LARGE1: variants seen among roughly 807,000 people sequenced by gnomAD.
LARGE1 encodes the protein xylosyl- and glucuronyltransferase LARGE1.
In LARGE1, 43 loss-of-function variants were observed where a neutral mutation model predicts 87.6. That is an observed-to-expected ratio of 0.49 (90% CI 0.38 to 0.63). LARGE1 has a LOEUF of 0.63. Among genes scored for constraint, LARGE1 ranks in the 30% least tolerant of loss-of-function variants. The pLI is 0.00. For synonymous variants in LARGE1, 434 were observed against 394.6 expected (o/e 1.10, Z -1.18); for missense variants, 802 against 1,000.2 (o/e 0.80, Z 2.67).
intron 6 of LARGE1, among the ~76,000 whole-genome samples, chr22:33,558,871 C>T (rs752899373): frequency 6.6e-6 from 1 of 152,232 alleles, no homozygotes; most frequent in Admixed American, 6.5e-5. Context: ...GGAGCAGACA[C>T]ACATTAACGA....
At chr22:33,779,068 GT>G (rs1321733227) in intron 1 of LARGE1, among the ~76,000 whole-genome samples, 1 of 152,154 alleles carries the variant, frequency 6.6e-6, no homozygotes, top group African/African-American at 2.4e-5. Context: ...ACCGTGAATA[GT>G]TTTGCTACAA....
the LARGE1 span, among the ~76,000 whole-genome samples, chr22:33,074,680 C>G: frequency 6.6e-6 from 1 of 151,948 alleles, no homozygotes; most frequent in Non-Finnish European, 1.5e-5. Flanking sequence ...ATCTTAGAAA[C>G]AAACAAACTA....
chr22:33,183,585 C>A (rs1441949586), intron 11 of LARGE1, among the ~76,000 whole-genome samples: 1 of 148,078 alleles, frequency 6.8e-6, no homozygotes, highest in South Asian at 2.1e-4. Context: ...CAACCTAAGT[C>A]TCTATTGATG....
chr22:33,650,332 G>C (rs749341365), intron 3 of LARGE1, 35 bp downstream of exon 3: 10 of 1,613,022 alleles, frequency 6.2e-6, no homozygotes, highest in Non-Finnish European at 8.5e-6. Context: ...CGGGACTTTG[G>C]ACAACTTCCT....
intron 2 of LARGE1, among the ~76,000 whole-genome samples, chr22:33,684,393 C>T (rs1345772653): frequency 6.6e-6 from 1 of 152,044 alleles, no homozygotes; most frequent in African/African-American, 2.4e-5. Flanking sequence ...ACCCTTCGCA[C>T]CCCTGGCTTC....
chr22:33,707,375 A>G lies in LARGE1; in HGVS notation c.106+53996T>C, dbSNP rs1021178007. Among the ~76,000 whole-genome samples, 10 of 152,362 alleles carry G rather than the reference A, an allele frequency of 6.6e-5. 2 individuals are homozygous for G. Among genetic ancestry groups the G allele is most frequent in the East Asian group, 1.9e-4 (1 of 5,178 alleles). On this transcript the variant is annotated intron_variant, in intron 2 of 14. Transcript: ENST00000397394. Reference sequence around the variant, plus strand: ...CCCTATAACAAAATTTATAAAATCAATGTTAGCTTGCCAGGGATCCTCTTT... The same window carrying G: ...CCCTATAACAAAATTTATAAAATCAGTGTTAGCTTGCCAGGGATCCTCTTT...
chr22:33,266,583 T>C (rs1927955480), intron 11 of LARGE1, among the ~76,000 whole-genome samples: 1 of 151,738 alleles, frequency 6.6e-6, no homozygotes, highest in Non-Finnish European at 1.5e-5. Context: ...ATATGGAGAA[T>C]ACTACATCGT....
chr22:33,909,507 C>T (rs939152349), intron 1 of LARGE1, among the ~76,000 whole-genome samples: 20 of 150,856 alleles, frequency 1.3e-4, no homozygotes, highest in African/African-American at 4.2e-4. Flanking sequence ...CCCTAACTCA[C>T]CAACTTCTTC....
At chr22:33,550,166 CACACACACACAT>C (rs1029103616) in intron 6 of LARGE1, among the ~76,000 whole-genome samples, 28 of 144,596 alleles carry the variant, frequency 1.9e-4, no homozygotes, top group Non-Finnish European at 3.5e-4. Context: ...CACACACACA[CACACACACACAT>C]ATATATATAT....
intron 6 of LARGE1, among the ~76,000 whole-genome samples, chr22:33,499,043 C>T (rs1046719644): frequency 2.0e-5 from 3 of 152,022 alleles, no homozygotes; most frequent in African/African-American, 4.8e-5. Flanking sequence ...AACAGAGACT[C>T]TTGTGGCTTT....
At chr22:33,600,970 C>T (rs1215080106) in intron 5 of LARGE1, among the ~76,000 whole-genome samples, 2 of 151,978 alleles carry the variant, frequency 1.3e-5, no homozygotes, top group African/African-American at 2.4e-5. Flanking sequence ...CTCAGGAGGC[C>T]GAGGCAGAAG....
intron 11 of LARGE1, among the ~76,000 whole-genome samples, chr22:33,264,889 C>CTT (rs200074908): frequency 0.084 from 6,237 of 74,440 alleles, 737 homozygotes; most frequent in African/African-American, 0.17. Flanking sequence ...TGATCAAATT[C>CTT]TTTTTTTTTT....
the LARGE1 span, among the ~76,000 whole-genome samples, chr22:33,089,371 C>CTTCTTCTTCTTCTTCTTCTTCTCCTTCTT: frequency 1.1e-3 from 87 of 76,040 alleles, 1 homozygote; most frequent in East Asian, 7.4e-3. Flanking sequence ...TTCTTCTTCT[C>CTTCTTCTTCTTCTTCTTCTTCTCCTTCTT]CTTCTTCTTC....
intron 6 of LARGE1, among the ~76,000 whole-genome samples, chr22:33,432,606 T>TGCAC (rs2067120401): frequency 6.6e-6 from 1 of 152,144 alleles, no homozygotes; most frequent in Non-Finnish European, 1.5e-5. Flanking sequence ...CATGCATGCA[T>TGCAC]GCATGCATTT....
intron 2 of LARGE1, among the ~76,000 whole-genome samples, chr22:33,672,414 A>G (rs1463196251): frequency 5.3e-5 from 8 of 152,162 alleles, no homozygotes; most frequent in Admixed American, 2.0e-4. Context: ...CTTCCTTCCT[A>G]GGGAAGAGGA....
rs140009651 is a variant in LARGE1 at position 33,736,687 on chromosome 22, A to G, written c.106+24684T>C. Reference sequence around the variant, plus strand: ...TTTTGTTGGTTGTGCTTCTAGTGTCATATCTCAGAAACCGTTGCCTAATCT... The same window carrying G: ...TTTTGTTGGTTGTGCTTCTAGTGTCGTATCTCAGAAACCGTTGCCTAATCT... On this transcript the variant is annotated intron_variant, in intron 2 of 14. Coordinates refer to ENST00000397394, the MANE Select transcript of LARGE1 (RefSeq NM_133642.5). Among the ~76,000 whole-genome samples the G allele has an allele frequency of 1.1e-3, 170 of 152,308 alleles. 1 individual carries two copies. Among genetic ancestry groups the G allele is most frequent in the African/African-American group, 3.8e-3 (157 of 41,568 alleles).
At chr22:33,658,276 T>A (rs1477561285) in intron 2 of LARGE1, among the ~76,000 whole-genome samples, 1 of 151,972 alleles carries the variant, frequency 6.6e-6, no homozygotes, top group Non-Finnish European at 1.5e-5. Context: ...TATCAGCATT[T>A]AAAAAAAAAT....
upstream of LARGE1, among the ~76,000 whole-genome samples, chr22:33,920,653 G>A (rs1342152602): frequency 2.3e-4 from 34 of 145,530 alleles, no homozygotes; most frequent in African/African-American, 3.2e-4. Flanking sequence ...GGCGCCCCGG[G>A]AAGGTCACGG....
At chr22:33,907,450 T>C (rs528199321) in intron 1 of LARGE1, among the ~76,000 whole-genome samples, 128 of 152,358 alleles carry the variant, frequency 8.4e-4, no homozygotes, top group Non-Finnish European at 1.4e-3. Context: ...CCATTCTGCA[T>C]CTGGCTCTTT....
Sources: allele counts gnomAD v4.1 joint callset (sites outside exome capture counted in the v4.1 genomes callset), GRCh38; gene constraint gnomAD v4.1.1; transcripts MANE v1.5; gene names NCBI Gene and HGNC (gene_info 2026-07-23, HGNC 2026-07-21).